Variants in NARS2 observed in about 807,000 individuals in gnomAD.
NARS2 encodes the protein asparaginyl-tRNA synthetase.
A neutral mutation model predicts 62.9 loss-of-function variants in NARS2; 60 were observed. The ratio of observed to expected loss-of-function variants is 0.95; its 90% CI spans 0.77 to 1.18. The LOEUF (loss-of-function observed/expected upper bound fraction) is 1.18. Ranked by LOEUF, NARS2 falls within the 50% of genes most tolerant of loss-of-function variation. The pLI is 0.00. For missense variants in NARS2, 619 were observed against 576.4 expected (o/e 1.07, Z -0.76); for synonymous variants, 196 against 200.0 (o/e 0.98, Z 0.17).
At chr11:78,460,880 G>T (rs938576266) in intron 11 of NARS2, among the ~76,000 whole-genome samples, 2 of 152,140 alleles carry the variant, frequency 1.3e-5, no homozygotes, top group Non-Finnish European at 2.9e-5. Context: ...ATAGATGGTT[G>T]TATCTGTAAC....
chr11:78,504,887 T>G (rs1472800152), intron 6 of NARS2, among the ~76,000 whole-genome samples: 1 of 152,148 alleles, frequency 6.6e-6, no homozygotes, highest in Non-Finnish European at 1.5e-5. Flanking sequence ...ATAACTGTTA[T>G]CAGCCCTCCC....
chr11:78,452,324 G>C (rs1029248704), intron 11 of NARS2, among the ~76,000 whole-genome samples: 1 of 151,838 alleles, frequency 6.6e-6, no homozygotes, highest in African/African-American at 2.4e-5. Context: ...GGCCAGGCTG[G>C]TCTCGATCTC....
chr11:78,529,153 T>C (rs1861396103), intron 5 of NARS2, among the ~76,000 whole-genome samples: 1 of 152,136 alleles, frequency 6.6e-6, no homozygotes, highest in South Asian at 2.1e-4. Context: ...TTTCAAAACA[T>C]ACAATAACCA....
In NARS2 at chr11:78,466,032, A is replaced by G. The variant is rs1170110985; in HGVS notation, c.1027-19T>C. 1.3e-6 allele frequency: 2 copies of G among 1,569,474 alleles called. No homozygotes were observed. The highest frequency in any genetic ancestry group is 1.4e-5 in the African/African-American group (1 of 72,736). ...CACCCCACTGTAATGAGAAGAAAGA[A>G]ATGACCAAAAGAGGAGACAGAGGTG... is the stretch of plus-strand genomic sequence containing the variant. On this transcript the variant is annotated intron_variant, in intron 10 of 13. Transcript: ENST00000281038.
chr11:78,471,383 A>G (rs1045391436), intron 9 of NARS2, among the ~76,000 whole-genome samples: 1 of 152,194 alleles, frequency 6.6e-6, no homozygotes, highest in Admixed American at 6.5e-5. Context: ...AACTGATTCT[A>G]CCACTTCATC....
chr11:78,544,636 T>C (rs1361492621), intron 5 of NARS2, among the ~76,000 whole-genome samples: 3 of 151,690 alleles, frequency 2.0e-5, no homozygotes, highest in Non-Finnish European at 4.4e-5. Flanking sequence ...CTACTAAAAA[T>C]ACAAAAAATT....
At chr11:78,443,908 T>C in intron 11 of NARS2, 150 bp from the exon 12 acceptor site, 1 of 585,836 alleles carries the variant, frequency 1.7e-6, no homozygotes, top group Non-Finnish European at 3.0e-6. Context: ...AAGTGGACAA[T>C]TTCCTCTCTC....
intron 7 of NARS2, among the ~76,000 whole-genome samples, chr11:78,486,947 T>C (rs7947844): frequency 1.3e-5 from 2 of 152,098 alleles, no homozygotes; most frequent in South Asian, 2.1e-4. Context: ...TTGGAAAATA[T>C]GTGAAATAAA....
intron 7 of NARS2, among the ~76,000 whole-genome samples, chr11:78,484,488 C>T (rs1359545108): frequency 1.3e-5 from 2 of 151,972 alleles, no homozygotes; most frequent in Admixed American, 6.6e-5. Flanking sequence ...GCAATCTACC[C>T]GTCTGACAAA....
chr11:78,570,060 C>T (rs998948039), intron 2 of NARS2, among the ~76,000 whole-genome samples: 7 of 152,050 alleles, frequency 4.6e-5, no homozygotes, highest in Non-Finnish European at 8.8e-5. Flanking sequence ...TGTGGTGTCG[C>T]ACACCTGTAA....
chr11:78,484,971 T>G (rs1859509528), intron 7 of NARS2, among the ~76,000 whole-genome samples: 1 of 152,208 alleles, frequency 6.6e-6, no homozygotes, highest in South Asian at 2.1e-4. Context: ...AGCAAAGACT[T>G]GGAACCAATC....
chr11:78,467,475 CT>C (rs1289213909), intron 10 of NARS2, among the ~76,000 whole-genome samples: 1 of 151,990 alleles, frequency 6.6e-6, no homozygotes, highest in Admixed American at 6.6e-5. Flanking sequence ...GAGGTGGAAT[CT>C]GCAGTGAGCC....
intron 7 of NARS2, among the ~76,000 whole-genome samples, chr11:78,481,218 TAAAG>T (rs869212488): frequency 9.2e-5 from 14 of 151,662 alleles, no homozygotes; most frequent in African/African-American, 2.9e-4. Context: ...GAAAGGAAAA[TAAAG>T]AAAACCACAT....
chr11:78,537,642 A>C (rs57586644), intron 5 of NARS2, among the ~76,000 whole-genome samples: 3,483 of 152,248 alleles, frequency 0.023, 128 homozygotes, highest in African/African-American at 0.08. Context: ...CTAAAAATGC[A>C]ATTTAAAAAT....
At chr11:78,468,310 G>GGAAAAAAAAAAAAAAAAAAAA (rs1555015326) in intron 10 of NARS2, among the ~76,000 whole-genome samples, 3 of 67,434 alleles carry the variant, frequency 4.4e-5, no homozygotes, top group African/African-American at 1.2e-4. Context: ...CACTAAATCT[G>GGAAAAAAAAAAAAAAAAAAAA]AAAAAAAAAA....
At chr11:78,442,338 C>T (rs970872621) in intron 12 of NARS2, among the ~76,000 whole-genome samples, 4 of 152,198 alleles carry the variant, frequency 2.6e-5, no homozygotes, top group African/African-American at 9.7e-5. Context: ...AGTCGTCTAA[C>T]GAATACAGTC....
intron 13 of NARS2, among the ~76,000 whole-genome samples, chr11:78,438,319 C>T (rs7102316): frequency 0.19 from 29,110 of 151,962 alleles, 3,316 homozygotes; most frequent in East Asian, 0.41. Flanking sequence ...ATGGGAGGCA[C>T]ATTCAGTTAT....
intron 6 of NARS2, among the ~76,000 whole-genome samples, chr11:78,507,356 A>G (rs1165171819): frequency 6.6e-6 from 1 of 152,080 alleles, no homozygotes; most frequent in Non-Finnish European, 1.5e-5. Flanking sequence ...GAAGACATTA[A>G]GTTTATACTT....
intron 5 of NARS2, among the ~76,000 whole-genome samples, chr11:78,540,178 A>G (rs61017379): frequency 0.024 from 3,618 of 152,290 alleles, 132 homozygotes; most frequent in African/African-American, 0.082. Flanking sequence ...GAAAGGGGAA[A>G]CCAAGAGCTA....
Sources: gnomAD v4.1 joint callset for allele counts (sites outside exome capture counted in the v4.1 genomes callset) on GRCh38, gnomAD v4.1.1 for gene constraint, MANE v1.5 for transcripts, NCBI Gene and HGNC (gene_info 2026-07-23, HGNC 2026-07-21) for gene names.